The following TEX11 variants were observed in gnomAD, a reference collection of about 807,000 sequenced individuals.
The protein encoded by TEX11 is testis-expressed protein 11.
TEX11 carries 7 observed loss-of-function variants against 84.4 expected under a neutral mutation model. That is an observed-to-expected ratio of 0.08 (90% confidence interval 0.05 to 0.16). The LOEUF is 0.16. TEX11 is among the 10% of genes least tolerant of loss of function. The pLI is 1.00. For missense variants in TEX11, 551 were observed against 660.5 expected (o/e 0.83, Z 1.82); for synonymous variants, 264 against 222.8 (o/e 1.18, Z -1.64).
At chrX:70,816,426 C>A (rs769020926) in intron 8 of TEX11, among the ~76,000 whole-genome samples, 9 of 111,864 alleles carry the variant, frequency 8.0e-5, no homozygotes, top group African/African-American at 2.6e-4. Flanking sequence ...TGCAATCAGT[C>A]TAGTATAAGA....
intron 7 of TEX11, among the ~76,000 whole-genome samples, chrX:70,846,748 A>G (rs1042489344): frequency 1.8e-5 from 2 of 111,276 alleles, no homozygotes; most frequent in Non-Finnish European, 3.8e-5. Flanking sequence ...ACATGGCGAA[A>G]CCCTGTCTCT....
chrX:70,642,171 G>A (rs1316971759), intron 17 of TEX11, among the ~76,000 whole-genome samples: 2 of 111,860 alleles, frequency 1.8e-5, no homozygotes, highest in Admixed American at 9.5e-5. Flanking sequence ...AAATCTAGAA[G>A]AAATGGATAA....
intron 11 of TEX11, among the ~76,000 whole-genome samples, chrX:70,736,251 G>A (rs2090695193): frequency 9.0e-6 from 1 of 110,910 alleles, no homozygotes; most frequent in African/African-American, 3.3e-5. Flanking sequence ...AAACAACATA[G>A]GCATACCAAA....
the TEX11 span, among the ~76,000 whole-genome samples, chrX:70,519,389 T>C: frequency 8.9e-6 from 1 of 112,049 alleles, no homozygotes; most frequent in South Asian, 3.7e-4. Context: ...TTTGGCTGGA[T>C]ATGAAATTCT....
At chrX:70,755,250 CTATCAGATAAA>C (rs757851014) in intron 9 of TEX11, among the ~76,000 whole-genome samples, 142 of 112,060 alleles carry the variant, frequency 1.3e-3, no homozygotes, top group African/African-American at 4.2e-3. Flanking sequence ...ATTCAGAATC[CTATCAGATAAA>C]CTTAACAAGT....
At chrX:70,524,904 C>T (rs1603021876), downstream of TEX11, among the ~76,000 whole-genome samples, 2 of 112,415 alleles carry the variant, frequency 1.8e-5, no homozygotes, top group East Asian at 2.8e-4. Context: ...CCGGACATGG[C>T]GGCTCATGCC....
intron 2 of TEX11, among the ~76,000 whole-genome samples, chrX:70,897,204 A>T (rs752095643): frequency 4.5e-5 from 3 of 66,253 alleles, no homozygotes; most frequent in African/African-American, 1.5e-4. Context: ...GTTATATATT[A>T]TATATATATA....
intron 9 of TEX11, among the ~76,000 whole-genome samples, chrX:70,764,402 C>A (rs1043200973): frequency 9.0e-6 from 1 of 111,508 alleles, no homozygotes; most frequent in Admixed American, 9.6e-5. Flanking sequence ...AACAACCTAA[C>A]AATACACCTT....
chrX:70,636,458 C>A (rs2089575176), intron 17 of TEX11, among the ~76,000 whole-genome samples: 1 of 111,054 alleles, frequency 9.0e-6, no homozygotes, highest in Admixed American at 9.5e-5. Context: ...AAAACCACCC[C>A]TACAAACCAA....
intron 3 of TEX11, among the ~76,000 whole-genome samples, chrX:70,879,328 C>T (rs1044750733): frequency 3.6e-5 from 4 of 110,709 alleles, no homozygotes; most frequent in South Asian, 3.8e-4. Context: ...TTTATATATA[C>T]ATAAACACAT....
rs757050097 is a variant in TEX11 at position 70,678,816 on chromosome X, G to A, written c.1230C>T (p.Ala410=). 8.3e-7 allele frequency: 1 copy of A among 1,204,177 alleles called. No individual in the cohort carries two copies. Among genetic ancestry groups the A allele is most frequent in the East Asian group, 3.0e-5 (1 of 33,687 alleles). ...ATTATTCTCAAACCTCAAAACTACT[G>A]GCAGCTTGTCTCCACAGAATGTTGT... is the stretch of plus-strand genomic sequence containing the variant. ...WLHNILWRQA[A]SSFEVQNYTD... is the part of the protein sequence containing the mutation. The change falls in exon 15 of 30, where the codon GCC becomes GCT. Residue 410 remains alanine, a synonymous_variant. Transcript: ENST00000374333.
At chrX:70,744,861 T>C (rs1345164917) in intron 9 of TEX11, among the ~76,000 whole-genome samples, 1 of 107,873 alleles carries the variant, frequency 9.3e-6, no homozygotes, top group Admixed American at 1.0e-4. Flanking sequence ...TAGGAACTCA[T>C]CACCATGCGT....
intron 9 of TEX11, among the ~76,000 whole-genome samples, chrX:70,770,229 G>A (rs2090964084): frequency 9.0e-6 from 1 of 111,476 alleles, no homozygotes; most frequent in Non-Finnish European, 1.9e-5. Flanking sequence ...TTGTGGGATG[G>A]AACATCAATA....
intron 9 of TEX11, among the ~76,000 whole-genome samples, chrX:70,781,063 C>A (rs1261588675): frequency 8.9e-6 from 1 of 111,828 alleles, no homozygotes; most frequent in Non-Finnish European, 1.9e-5. Context: ...TAAGGGCCAA[C>A]AGACACCTCA....
intron 8 of TEX11, among the ~76,000 whole-genome samples, chrX:70,818,380 G>T (rs1002666704): frequency 1.8e-5 from 2 of 111,357 alleles, no homozygotes; most frequent in African/African-American, 6.5e-5. Flanking sequence ...ATAGAAAACA[G>T]TAGGAAGAAC....
chrX:70,754,184 G>T (rs2090850636), intron 9 of TEX11, among the ~76,000 whole-genome samples: 1 of 110,447 alleles, frequency 9.1e-6, no homozygotes, highest in South Asian at 3.9e-4. Flanking sequence ...TGGCATTTCT[G>T]GACCGTGAGT....
rs758336784 is a variant in TEX11, at chrX:70,529,206, A to G, written c.2686-19T>C. The G allele has an allele frequency of 5.2e-6, 6 of 1,159,213 alleles. No homozygotes were observed. The Admixed American group carries it at 1.1e-4, about 21-fold the overall frequency. ...TATTCATCTGGGAAAGAGAACAACA[A>G]ATAGATTTCTTGAGGGGAAAAAGAA... On this transcript the variant is annotated intron_variant, in intron 29 of 29. Transcript: ENST00000374333.
intron 17 of TEX11, among the ~76,000 whole-genome samples, chrX:70,642,953 T>C (rs1451900391): frequency 1.4e-4 from 6 of 42,796 alleles, no homozygotes; most frequent in African/African-American, 3.5e-4. Flanking sequence ...TAAAGGGTAT[T>C]CAATTAGGAA....
At chrX:70,886,896 C>T (rs768919317) in intron 2 of TEX11, among the ~76,000 whole-genome samples, 1 of 111,916 alleles carries the variant, frequency 8.9e-6, no homozygotes, top group Admixed American at 9.5e-5. Context: ...GAATTTCCAA[C>T]TTGATTCTGG....
Sources: allele counts gnomAD v4.1 joint callset (sites outside exome capture counted in the v4.1 genomes callset), GRCh38; gene constraint gnomAD v4.1.1; transcripts MANE v1.5; gene names NCBI Gene and HGNC (gene_info 2026-07-23, HGNC 2026-07-21).